OTUD3: variants seen among roughly 807,000 people sequenced by gnomAD.
OTUD3 encodes the protein OTU deubiquitinase 3.
Under a neutral mutation model 46.2 loss-of-function variants are expected in OTUD3, and 24 were observed. The ratio of observed to expected loss-of-function variants is 0.52; its 90% CI spans 0.38 to 0.73. The LOEUF is 0.73. Ranked by LOEUF, OTUD3 falls within the 30% of genes least tolerant of loss-of-function variation. The pLI, the probability that OTUD3 is intolerant of heterozygous loss-of-function variation, is 0.00. For synonymous variants in OTUD3, 189 were observed against 195.4 expected, an observed-to-expected ratio of 0.97 and a Z score of 0.27; for missense variants, 455 against 523.3, an observed-to-expected ratio of 0.87 and a Z score of 1.27.
intron 4 of OTUD3, among the ~76,000 whole-genome samples, chr1:19,901,823 A>G (rs986299947): frequency 3.3e-5 from 5 of 152,124 alleles, no homozygotes; most frequent in Admixed American, 1.3e-4. Context: ...AGAGTCATTC[A>G]TGGTGTAGCA....
intron 1 of OTUD3, 69 bp downstream of exon 1, chr1:19,882,803 C>A: frequency 8.2e-7 from 1 of 1,223,808 alleles, no homozygotes; most frequent in Non-Finnish European, 1.0e-6. Context: ...CGACCGTTGC[C>A]CGCTCGCGTC....
At chr1:19,894,301 C>T in intron 2 of OTUD3, 67 bp from the exon 3 acceptor site, 1 of 861,626 alleles carries the variant, frequency 1.2e-6, no homozygotes. Flanking sequence ...CAGTAAATAC[C>T]AAAGCATGTT....
Position 19,909,690 on chromosome 1 carries a change from C to T in OTUD3, c.*1944C>T, listed in dbSNP as rs946756392. ...GCCAGAAATTCAGATTAGCAGTCAG[C>T]TTAAGAGAGACTTATTGTCAGAAGT... is the stretch of plus-strand genomic sequence containing the variant. On this transcript the variant is annotated 3_prime_UTR_variant, in exon 8 of 8. Transcript: ENST00000375120. The T allele has an allele frequency of 2.0e-5, 3 of 152,330 alleles. No individual in the cohort carries two copies. The highest frequency in any genetic ancestry group is 7.2e-5 in the African/African-American group (3 of 41,430). 9.4% of individuals were successfully genotyped at this position (152,330 alleles called of 1,614,324 possible).
intron 4 of OTUD3, among the ~76,000 whole-genome samples, chr1:19,898,497 G>A (rs2045545738): frequency 1.3e-5 from 2 of 151,980 alleles, no homozygotes; most frequent in East Asian, 2.0e-4. Context: ...GGGAGGCCGA[G>A]GCGGGCGGAT....
intron 4 of OTUD3, among the ~76,000 whole-genome samples, chr1:19,900,828 T>C (rs1307377197): frequency 6.6e-6 from 1 of 152,040 alleles, no homozygotes; most frequent in East Asian, 1.9e-4. Flanking sequence ...TAAGTTTCCT[T>C]ATATGTTGTC....
At chr1:19,906,729 G>T in intron 7 of OTUD3, 113 bp downstream of exon 7, 3 of 1,022,580 alleles carry the variant, frequency 2.9e-6, no homozygotes, top group Non-Finnish European at 4.2e-6. Context: ...TAAAAGTAGT[G>T]TGGAAAATCT....
intron 1 of OTUD3, 85 bp from the exon 2 acceptor site, chr1:19,890,300 T>A: frequency 7.5e-7 from 1 of 1,331,070 alleles, no homozygotes; most frequent in Admixed American, 1.8e-5. Flanking sequence ...AATATTTCCA[T>A]GGATGATCTG....
intron 1 of OTUD3, among the ~76,000 whole-genome samples, chr1:19,884,228 G>C (rs2045323004): frequency 6.6e-6 from 1 of 152,132 alleles, no homozygotes; most frequent in South Asian, 2.1e-4. Context: ...GCTATACTGG[G>C]TATGGTATTC....
intron 4 of OTUD3, among the ~76,000 whole-genome samples, chr1:19,900,307 G>A (rs113668162): frequency 6.6e-5 from 10 of 152,020 alleles, no homozygotes; most frequent in Non-Finnish European, 1.2e-4. Flanking sequence ...AGGCTCAAGC[G>A]ATCCTCCTGA....
intron 4 of OTUD3, among the ~76,000 whole-genome samples, chr1:19,899,289 A>G (rs568716456): frequency 6.6e-6 from 1 of 152,308 alleles, no homozygotes; most frequent in South Asian, 2.1e-4. Flanking sequence ...AAGCAAATAT[A>G]TATATAGATG....
At chr1:19,904,130 C>G in intron 4 of OTUD3, 137 bp from the exon 5 acceptor site, 1 of 534,838 alleles carries the variant, frequency 1.9e-6, no homozygotes, top group Non-Finnish European at 3.2e-6. Flanking sequence ...CTAGTCATTG[C>G]TGTTCTCTTA....
chr1:19,886,700 A>G (rs1166642541), intron 1 of OTUD3, among the ~76,000 whole-genome samples: 1 of 152,226 alleles, frequency 6.6e-6, no homozygotes, highest in Non-Finnish European at 1.5e-5. Flanking sequence ...GTGTTTCTCA[A>G]ACTTCAGTAT....
chr1:19,895,791 T>A (rs74837584), intron 3 of OTUD3, among the ~76,000 whole-genome samples: 4,802 of 152,290 alleles, frequency 0.032, 110 homozygotes, highest in Non-Finnish European at 0.048. Context: ...CTATTTTTTG[T>A]CTTTAAACTT....
chr1:19,901,289 G>A (rs1191604463), intron 4 of OTUD3, among the ~76,000 whole-genome samples: 1 of 152,124 alleles, frequency 6.6e-6, no homozygotes, highest in Non-Finnish European at 1.5e-5. Flanking sequence ...TTGATGTTGA[G>A]TCTTTTATTA....
intron 4 of OTUD3, 127 bp downstream of exon 4, chr1:19,897,789 A>C: frequency 1.1e-6 from 1 of 893,000 alleles, no homozygotes; most frequent in East Asian, 2.7e-5. Flanking sequence ...TGTGGGCCTG[A>C]TTTTAAAAAT....
chr1:19,883,874 A>G (rs1456047118), intron 1 of OTUD3, among the ~76,000 whole-genome samples: 1 of 152,204 alleles, frequency 6.6e-6, no homozygotes, highest in Non-Finnish European at 1.5e-5. Flanking sequence ...AACTGGTCCT[A>G]ATTTCCCTTT....
At chr1:19,905,087 T>C (rs1188937367) in intron 6 of OTUD3, 100 bp downstream of exon 6, 3 of 710,186 alleles carry the variant, frequency 4.2e-6, no homozygotes, top group Non-Finnish European at 7.3e-6. Context: ...AACTGTTCTG[T>C]CATTCATTTA....
intron 4 of OTUD3, among the ~76,000 whole-genome samples, chr1:19,903,475 T>G (rs2045619584): frequency 6.6e-6 from 1 of 152,242 alleles, no homozygotes; most frequent in Non-Finnish European, 1.5e-5. Context: ...ATAGAATGTT[T>G]TGTATTAACA....
At chr1:19,900,578 T>C (rs2045573175) in intron 4 of OTUD3, among the ~76,000 whole-genome samples, 1 of 152,208 alleles carries the variant, frequency 6.6e-6, no homozygotes, top group Non-Finnish European at 1.5e-5. Flanking sequence ...TCCAACTTTA[T>C]ATTTCCCTTG....
Sources: allele counts gnomAD v4.1 joint callset (sites outside exome capture counted in the v4.1 genomes callset), GRCh38; gene constraint gnomAD v4.1.1; transcripts MANE v1.5; gene names NCBI Gene and HGNC (gene_info 2026-07-23, HGNC 2026-07-21).